DGKB: variants seen among roughly 807,000 people sequenced by gnomAD.
The protein encoded by DGKB is 90 kDa diacylglycerol kinase.
A neutral mutation model predicts 114.3 loss-of-function variants in DGKB; 67 were observed. The ratio of observed to expected loss-of-function variants is 0.59; its 90% confidence interval spans 0.48 to 0.72. DGKB has a LOEUF of 0.72. Among genes scored for constraint, DGKB ranks in the 30% least tolerant of loss-of-function variants. The pLI is 0.00. For synonymous variants in DGKB, 398 were observed against 323.1 expected, an observed-to-expected ratio of 1.23 and a Z score of -2.49; for missense variants, 907 against 975.2, an observed-to-expected ratio of 0.93 and a Z score of 0.93.
intron 23 of DGKB, among the ~76,000 whole-genome samples, chr7:14,179,339 CT>C (rs1193805833): frequency 3.3e-5 from 5 of 152,246 alleles, no homozygotes; most frequent in African/African-American, 1.2e-4. Flanking sequence ...ATATATGGTT[CT>C]TTTCCATTGT....
At chr7:14,713,585 T>A (rs11970972) in intron 6 of DGKB, among the ~76,000 whole-genome samples, 6,939 of 150,356 alleles carry the variant, frequency 0.046, 531 homozygotes, top group African/African-American at 0.16. Flanking sequence ...TGGATTTTAG[T>A]AATAGCTAGA....
chr7:14,839,118 C>G (rs1847559187), intron 2 of DGKB, among the ~76,000 whole-genome samples: 1 of 152,024 alleles, frequency 6.6e-6, no homozygotes, highest in Non-Finnish European at 1.5e-5. Flanking sequence ...AATTATTTAT[C>G]TATTAGTTTC....
intron 24 of DGKB, 145 bp from the exon 25 acceptor site, chr7:14,177,044 T>C (rs1484087209): frequency 5.1e-6 from 4 of 789,588 alleles, no homozygotes; most frequent in East Asian, 2.7e-5. Context: ...GAGCTTCAAC[T>C]CTCCACTATT....
intron 20 of DGKB, among the ~76,000 whole-genome samples, chr7:14,499,591 C>A (rs181943293): frequency 9.9e-5 from 15 of 151,824 alleles, no homozygotes; most frequent in Admixed American, 2.0e-4. Context: ...AAAGGTGGAG[C>A]CTCACAGATC....
intron 13 of DGKB, among the ~76,000 whole-genome samples, chr7:14,630,906 T>G (rs1394249250): frequency 6.8e-6 from 1 of 146,390 alleles, no homozygotes; most frequent in Non-Finnish European, 1.5e-5. Context: ...TGGAAAGCCT[T>G]TTTTTTTTTG....
At chr7:14,532,993 C>A (rs1376711640) in intron 20 of DGKB, among the ~76,000 whole-genome samples, 1 of 151,732 alleles carries the variant, frequency 6.6e-6, no homozygotes, top group Non-Finnish European at 1.5e-5. Context: ...TTACATGACA[C>A]TACTAAAGGA....
chr7:14,222,787 T>C (rs1159602441), intron 23 of DGKB, among the ~76,000 whole-genome samples: 1 of 151,552 alleles, frequency 6.6e-6, no homozygotes, highest in Non-Finnish European at 1.5e-5. Flanking sequence ...AATTGTCTAT[T>C]TCTCCTTCCA....
intron 23 of DGKB, among the ~76,000 whole-genome samples, chr7:14,214,662 T>C (rs372244144): frequency 6.6e-6 from 1 of 152,128 alleles, no homozygotes; most frequent in African/African-American, 2.4e-5. Context: ...TCCTGCTCTC[T>C]CCTATTACAT....
intron 25 of DGKB, 43 bp downstream of exon 25, chr7:14,176,796 C>G (rs1049224635): frequency 6.3e-7 from 1 of 1,578,360 alleles, no homozygotes; most frequent in Non-Finnish European, 8.6e-7. Context: ...AAGAGGAAAG[C>G]AAAACTGAGA....
Position 14,235,992 on chromosome 7 carries a change from C to A in DGKB, c.2123-57841G>T, listed in dbSNP as rs566842102. On this transcript the variant is annotated intron_variant, in intron 23 of 25. Transcript: ENST00000402815. ...AGACATACACGCAGATACACAAAAACAATTTATGCTACTAATAATTCAGAG... is the reference window on the plus strand; with the variant it reads ...AGACATACACGCAGATACACAAAAAAAATTTATGCTACTAATAATTCAGAG... Among the ~76,000 whole-genome samples, 343 of 152,006 alleles carry A rather than the reference C, an allele frequency of 2.3e-3. 2 individuals carry two copies. The highest frequency in any genetic ancestry group is 7.9e-3 in the African/African-American group (329 of 41,498).
intron 20 of DGKB, among the ~76,000 whole-genome samples, chr7:14,548,011 AAGAATAAC>A (rs1794562425): frequency 6.6e-6 from 1 of 152,218 alleles, no homozygotes; most frequent in Admixed American, 6.5e-5. Context: ...AAGTATTTAA[AAGAATAAC>A]ATCGTTACCT....
chr7:14,222,005 C>CT (rs919405570), intron 23 of DGKB, among the ~76,000 whole-genome samples: 5 of 151,108 alleles, frequency 3.3e-5, no homozygotes, highest in African/African-American at 9.7e-5. Context: ...AATACTTTCT[C>CT]TTTCATTTCT....
At chr7:14,869,137 C>G (rs1852099132) in intron 1 of DGKB, among the ~76,000 whole-genome samples, 2 of 152,170 alleles carry the variant, frequency 1.3e-5, no homozygotes, top group South Asian at 4.1e-4. Flanking sequence ...CAAGCCCATA[C>G]AGATAAGGAA....
At chr7:14,886,964 T>C (rs1390407601) in intron 1 of DGKB, among the ~76,000 whole-genome samples, 1 of 151,968 alleles carries the variant, frequency 6.6e-6, no homozygotes, top group African/African-American at 2.4e-5. Flanking sequence ...TACATGCTTT[T>C]CTGCATTCTC....
rs539129055 is a variant in DGKB, at chr7:14,757,896, T to C, written c.71-165A>G. 1.1e-4 allele frequency among the ~76,000 whole-genome samples: 17 copies of C among 152,152 alleles called. No individual in the cohort carries two copies. The South Asian group carries it at 3.3e-3, about 30-fold the overall frequency. The stretch of plus-strand genomic sequence containing the variant: ...TTGCCATTTTTGAAAGGCTATTTAA[T>C]TGGAAAAGAAATTGCAAAGGAGCAA... On this transcript the variant is annotated intron_variant, in intron 2 of 25. Transcript: ENST00000402815.
chr7:14,314,912 C>A (rs1806179109), intron 23 of DGKB, among the ~76,000 whole-genome samples: 1 of 151,828 alleles, frequency 6.6e-6, no homozygotes, highest in Non-Finnish European at 1.5e-5. Flanking sequence ...AAGGGAAGCC[C>A]ATCAGACTAA....
chr7:14,833,435 T>C (rs528024215), intron 2 of DGKB, among the ~76,000 whole-genome samples: 10 of 152,258 alleles, frequency 6.6e-5, no homozygotes, highest in African/African-American at 1.9e-4. Flanking sequence ...TTTATGAAGA[T>C]TGATTTGTTA....
In DGKB at chr7:14,888,537, C is replaced by T. The variant is rs955265509; in HGVS notation, c.-188+14055G>A. ...TCATGTTGCATTTCAGACTTTACAG[C>T]GAAAATATAAATGATATCCCCCTTA... On this transcript the variant is annotated intron_variant, in intron 1 of 25. Transcript: ENST00000402815. Among the ~76,000 whole-genome samples, 4 of 151,382 alleles carry T rather than the reference C, an allele frequency of 2.6e-5. No individual in the cohort carries two copies. The South Asian group carries it at 6.2e-4, about 24-fold the overall frequency.
At chr7:14,729,122 TC>T (rs1274842190) in intron 5 of DGKB, among the ~76,000 whole-genome samples, 24 of 132,440 alleles carry the variant, frequency 1.8e-4, no homozygotes, top group Non-Finnish European at 4.7e-5. Flanking sequence ...TCATTTTCTT[TC>T]TTTTTTTTTT....
Sources: allele counts gnomAD v4.1 joint callset (sites outside exome capture counted in the v4.1 genomes callset), GRCh38; gene constraint gnomAD v4.1.1; transcripts MANE v1.5; gene names NCBI Gene and HGNC (gene_info 2026-07-23, HGNC 2026-07-21).